ZNF880: variants seen among roughly 807,000 people sequenced by gnomAD.
The protein encoded by ZNF880 is zinc finger protein LOC400713.
A neutral mutation model predicts 11.8 loss-of-function variants in ZNF880; 12 were observed. The observed-to-expected ratio is 1.02, with a 90% CI of 0.65 to 1.65. The LOEUF (loss-of-function observed/expected upper bound fraction) is 1.65, where lower values mean the gene tolerates loss of function less well. Among genes scored for constraint, ZNF880 ranks in the 40% most tolerant of loss-of-function variants. The probability of loss-of-function intolerance (pLI) is 0.00; values close to 1 mark genes in which losing one functional copy is unlikely to be tolerated. For missense variants in ZNF880, 601 were observed against 673.9 expected, an observed-to-expected ratio of 0.89 and a Z score of 1.20; for synonymous variants, 210 against 232.4, an observed-to-expected ratio of 0.90 and a Z score of 0.88.
chr19:52,380,841 T>G (rs1600250396), intron 3 of ZNF880, among the ~76,000 whole-genome samples: 1 of 151,402 alleles, frequency 6.6e-6, no homozygotes, highest in East Asian at 2.0e-4. Context: ...CATGCCTGGC[T>G]AATTTTTAAA....
downstream of ZNF880, chr19:52,390,408 T>C (rs2058703524): frequency 2.8e-6 from 1 of 359,234 alleles, no homozygotes; most frequent in Admixed American, 3.2e-5. Context: ...CTCCTGCCTT[T>C]TTCCTCCTTG....
chr19:52,384,100 G>C lies in ZNF880; in HGVS notation c.520G>C (p.Glu174Gln). The change falls in exon 4 of 4, where the codon GAA (glutamate) becomes CAA (glutamine). Residue 174 changes from glutamate (E) to glutamine (Q), a missense_variant. Transcript: ENST00000422689. ...DFDDSPFLPQ[E>Q]QKAQIREKPC... ...TGATGATTCTCCATTTCTCCCACAA[G>C]AACAAAAAGCACAAATAAGGGAAAA... 1 of 1,594,388 alleles carries C rather than the reference G, an allele frequency of 6.3e-7. No individual in the cohort carries two copies. The highest frequency in any genetic ancestry group is 1.1e-5 in the South Asian group (1 of 89,166).
At chr19:52,369,233 G>T (rs559670448), upstream of ZNF880, among the ~76,000 whole-genome samples, 4 of 151,040 alleles carry the variant, frequency 2.6e-5, no homozygotes, top group African/African-American at 9.7e-5. Flanking sequence ...GTGGTGGTGG[G>T]CGCCTGTAAT....
Position 52,374,351 on chromosome 19 carries a change from T to C in ZNF880, c.192T>C (p.Asp64=). 1 of 1,613,596 alleles carries C rather than the reference T, an allele frequency of 6.2e-7. No homozygotes were observed. The highest frequency in any genetic ancestry group is 8.5e-7 in the Non-Finnish European group (1 of 1,179,844). The part of the protein sequence containing the change: ...SVISMLEQRR[D]PRNLQSEVKI... ...TCTCCATGTTGGAGCAAAGGAGAGA[T>C]CCCCGGAATCTGCAGAGTGAAGTGA... Residue 64 remains aspartate (D), a synonymous_variant, in exon 3 of 4, where the codon GAT becomes GAC. Transcript: ENST00000422689.
chr19:52,381,634 T>C (rs1385554108), intron 3 of ZNF880, among the ~76,000 whole-genome samples: 1 of 100,038 alleles, frequency 1.0e-5, no homozygotes, highest in East Asian at 2.3e-4. Flanking sequence ...CTGTAGATTT[T>C]TTAAATCTTG....
At chr19:52,369,005 T>C (rs1209884536), upstream of ZNF880, among the ~76,000 whole-genome samples, 4 of 144,226 alleles carry the variant, frequency 2.8e-5, no homozygotes, top group Admixed American at 2.8e-4. Flanking sequence ...AAAAAAGTTG[T>C]GACCTGAGTA....
In ZNF880 at chr19:52,384,108, A is replaced by G. The variant is rs1328301060; in HGVS notation, c.528A>G (p.Lys176=). 2.5e-6 allele frequency: 4 copies of G among 1,597,380 alleles called. No homozygotes were observed. Among genetic ancestry groups the G allele is most frequent in the Non-Finnish European group, 3.4e-6 (4 of 1,171,228 alleles). Residue 176 remains lysine, a synonymous_variant, in exon 4 of 4, where the codon AAA becomes AAG. Coordinates refer to ENST00000422689, the MANE Select transcript of ZNF880 (RefSeq NM_001145434.2). ...DDSPFLPQEQ[K]AQIREKPCEC... ...CTCCATTTCTCCCACAAGAACAAAA[A>G]GCACAAATAAGGGAAAAACCGTGTG...
At position 52,379,695 on chromosome 19, in the gene ZNF880, C is replaced by T; in HGVS notation, c.269-4154C>T. On this transcript the variant is annotated intron_variant, in intron 3 of 3. Transcript: ENST00000422689. ...CCCAGCTCAGGTGATCCACCCGCCT[C>T]AGCCTCCCAAAGTTCTGGGATTACA... 2.3e-5 allele frequency: 5 copies of T among 221,350 alleles called. No individual in the cohort carries two copies. The South Asian group carries it at 2.5e-4, about 11-fold the overall frequency. 13.7% of individuals were successfully genotyped at this position (221,350 alleles called of 1,614,324 possible).
downstream of ZNF880, chr19:52,390,382 C>A: frequency 2.5e-6 from 1 of 394,864 alleles, no homozygotes. Context: ...GCAGACCCTG[C>A]CCCTCTCCTG....
At chr19:52,370,821 C>G (rs751999780) in intron 1 of ZNF880, among the ~76,000 whole-genome samples, 2 of 152,172 alleles carry the variant, frequency 1.3e-5, no homozygotes, top group East Asian at 3.8e-4. Context: ...CAGTGGTGCA[C>G]GCTTGTCATT....
intron 3 of ZNF880, among the ~76,000 whole-genome samples, chr19:52,380,475 T>G (rs913410912): frequency 3.9e-4 from 59 of 152,024 alleles, no homozygotes; most frequent in African/African-American, 1.3e-3. Context: ...TATTTCTTAA[T>G]TTTTCATTTA....
At chr19:52,375,614 C>T (rs1017041381) in intron 3 of ZNF880, among the ~76,000 whole-genome samples, 2 of 152,064 alleles carry the variant, frequency 1.3e-5, no homozygotes, top group African/African-American at 2.4e-5. Flanking sequence ...GAGCATTGTA[C>T]GCTACATTCA....
At chr19:52,391,851 AAGAT>A in the ZNF880 span, among the ~76,000 whole-genome samples, 234 of 149,990 alleles carry the variant, frequency 1.6e-3, no homozygotes, top group Admixed American at 3.8e-3. Flanking sequence ...GTGAGTGTAT[AAGAT>A]AGGAGGAAAA....
chr19:52,396,121 A>ATTTTTTTTTTTTTTTTT, the ZNF880 span, among the ~76,000 whole-genome samples: 3 of 120,646 alleles, frequency 2.5e-5, no homozygotes, highest in Non-Finnish European at 3.3e-5. Context: ...TGCCTGGCTA[A>ATTTTTTTTTTTTTTTTT]TTTTTTTTTT....
intron 1 of ZNF880, among the ~76,000 whole-genome samples, chr19:52,370,838 A>T (rs1025689147): frequency 6.6e-6 from 1 of 152,200 alleles, no homozygotes; most frequent in Non-Finnish European, 1.5e-5. Flanking sequence ...CATTCGAGTT[A>T]CTCGGAGAGG....
chr19:52,394,085 T>C, the ZNF880 span, among the ~76,000 whole-genome samples: 105 of 151,986 alleles, frequency 6.9e-4, 1 homozygote, highest in East Asian at 3.7e-3. Flanking sequence ...GTAGTCCACC[T>C]GCCTTGGCCT....
In ZNF880 at chr19:52,380,790, C is replaced by T. The variant is rs1986686601; in HGVS notation, c.269-3059C>T. On this transcript the variant is annotated intron_variant, in intron 3 of 3. Coordinates refer to ENST00000422689, the MANE Select transcript of ZNF880 (RefSeq NM_001145434.2). ...CTCCTAGGTTCAAGTGATCCTCCTG[C>T]CTCAGCCTCCCAAGTAGCTGGGACT... Among the ~76,000 whole-genome samples the T allele has an allele frequency of 2.6e-5, 4 of 152,178 alleles. No homozygotes were observed. The South Asian group carries it at 8.3e-4, about 32-fold the overall frequency.
chr19:52,378,924 A>G (rs1360853424), intron 3 of ZNF880, among the ~76,000 whole-genome samples: 1 of 151,782 alleles, frequency 6.6e-6, no homozygotes, highest in African/African-American at 2.4e-5. Context: ...CAAAACATAT[A>G]AAAATTTGGC....
chr19:52,376,863 G>A (rs1304540423), intron 3 of ZNF880, among the ~76,000 whole-genome samples: 3 of 151,980 alleles, frequency 2.0e-5, no homozygotes, highest in African/African-American at 7.3e-5. Context: ...ATTTGTTTGA[G>A]TTCCTTGTAG....
Sources: gnomAD v4.1 joint callset for allele counts (sites outside exome capture counted in the v4.1 genomes callset) on GRCh38, gnomAD v4.1.1 for gene constraint, MANE v1.5 for transcripts, NCBI Gene and HGNC (gene_info 2026-07-23, HGNC 2026-07-21) for gene names.